Variants in NRF1 observed in about 807,000 individuals in gnomAD.
The protein encoded by NRF1 is alpha palindromic-binding protein.
A neutral mutation model predicts 58.5 loss-of-function variants in NRF1; 5 were observed. The observed-to-expected ratio is 0.09, with a 90% CI of 0.04 to 0.18. The LOEUF (loss-of-function observed/expected upper bound fraction) is 0.18. NRF1 is among the 10% of genes least tolerant of loss of function. The probability of loss-of-function intolerance (pLI) is 1.00; values close to 1 mark genes in which losing one functional copy is unlikely to be tolerated. For missense variants in NRF1, 288 were observed against 657.7 expected (o/e 0.44, Z 6.15); for synonymous variants, 224 against 246.7 (o/e 0.91, Z 0.86).
chr7:129,729,510 T>C (rs1299763506), intron 10 of NRF1, among the ~76,000 whole-genome samples: 4 of 152,232 alleles, frequency 2.6e-5, no homozygotes, highest in African/African-American at 7.2e-5. Context: ...GAGTTGGAAG[T>C]TATCTCTTTC....
At chr7:129,704,150 C>A (rs1802898130) in intron 5 of NRF1, among the ~76,000 whole-genome samples, 1 of 151,286 alleles carries the variant, frequency 6.6e-6, no homozygotes, top group Non-Finnish European at 1.5e-5. Flanking sequence ...CCGAGCAGAA[C>A]AAGGCACCTA....
intron 2 of NRF1, among the ~76,000 whole-genome samples, chr7:129,666,751 G>A (rs1562964686): frequency 6.6e-6 from 1 of 152,082 alleles, no homozygotes; most frequent in Admixed American, 6.5e-5. Context: ...GGCTGGTCTC[G>A]AACTCCTGAC....
chr7:129,617,506 A>C (rs1196566185), intron 1 of NRF1, among the ~76,000 whole-genome samples: 1 of 152,218 alleles, frequency 6.6e-6, no homozygotes, highest in East Asian at 1.9e-4. Context: ...AACCTCCTTA[A>C]GTGTATTCTC....
At chr7:129,648,170 G>A (rs1484577149) in intron 1 of NRF1, among the ~76,000 whole-genome samples, 1 of 149,990 alleles carries the variant, frequency 6.7e-6, no homozygotes. Flanking sequence ...TTTGTTTATA[G>A]TTTAACTGTT....
At chr7:129,750,359 C>T (rs925389888) in intron 10 of NRF1, among the ~76,000 whole-genome samples, 7 of 152,132 alleles carry the variant, frequency 4.6e-5, no homozygotes, top group Admixed American at 1.3e-4. Context: ...ACTTAGGGCA[C>T]GCTGGGTTTC....
intron 4 of NRF1, among the ~76,000 whole-genome samples, chr7:129,682,131 T>A (rs906011740): frequency 6.7e-6 from 1 of 149,994 alleles, no homozygotes; most frequent in African/African-American, 2.5e-5. Flanking sequence ...AGCATGTAGA[T>A]CAAAAAGTTA....
chr7:129,656,708 G>A (rs1468079444), intron 1 of NRF1, among the ~76,000 whole-genome samples: 2 of 152,004 alleles, frequency 1.3e-5, no homozygotes, highest in Non-Finnish European at 2.9e-5. Flanking sequence ...CCAAGTAGCT[G>A]GGATTACAGG....
chr7:129,628,631 G>C (rs1004624623), intron 1 of NRF1, among the ~76,000 whole-genome samples: 6 of 152,194 alleles, frequency 3.9e-5, no homozygotes, highest in Admixed American at 3.9e-4. Flanking sequence ...TCAGTCTGCT[G>C]TAGTATGTTG....
intron 1 of NRF1, among the ~76,000 whole-genome samples, chr7:129,627,245 C>T (rs1425570088): frequency 6.6e-6 from 1 of 152,154 alleles, no homozygotes; most frequent in Non-Finnish European, 1.5e-5. Flanking sequence ...GGATCTCCCT[C>T]TGTTGCTCAG....
intron 1 of NRF1, among the ~76,000 whole-genome samples, chr7:129,653,005 T>G (rs1801571986): frequency 6.6e-6 from 1 of 152,240 alleles, no homozygotes; most frequent in African/African-American, 2.4e-5. Context: ...TTTAGGCATA[T>G]AGTTCAGTAA....
chr7:129,655,412 A>G (rs931625064), intron 1 of NRF1, among the ~76,000 whole-genome samples: 28 of 152,144 alleles, frequency 1.8e-4, no homozygotes, highest in Admixed American at 1.5e-3. Flanking sequence ...CTTCCTTCCC[A>G]ATCAGGGTAC....
chr7:129,642,469 A>T (rs937200328), intron 1 of NRF1, among the ~76,000 whole-genome samples: 3 of 152,214 alleles, frequency 2.0e-5, no homozygotes, highest in South Asian at 2.1e-4. Context: ...TTTAAAAAAG[A>T]TACAAAAATG....
chr7:129,625,564 A>G (rs189847079), intron 1 of NRF1, among the ~76,000 whole-genome samples: 38 of 151,936 alleles, frequency 2.5e-4, no homozygotes, highest in African/African-American at 8.0e-4. Context: ...GCAGTGGCTC[A>G]GTCATGGCTC....
intron 10 of NRF1, among the ~76,000 whole-genome samples, chr7:129,736,922 A>T (rs182229705): frequency 6.6e-6 from 1 of 152,226 alleles, no homozygotes; most frequent in Admixed American, 6.5e-5. Flanking sequence ...TAGGCAAGCA[A>T]ATTAACCTCT....
At chr7:129,745,595 A>G (rs1228169535) in intron 10 of NRF1, among the ~76,000 whole-genome samples, 1 of 144,482 alleles carries the variant, frequency 6.9e-6, no homozygotes, top group Non-Finnish European at 1.5e-5. Flanking sequence ...GAGCACGTGC[A>G]TATTCCACAA....
At chr7:129,685,556 A>T (rs1327274710) in intron 4 of NRF1, among the ~76,000 whole-genome samples, 2 of 143,102 alleles carry the variant, frequency 1.4e-5, no homozygotes, top group East Asian at 2.1e-4. Flanking sequence ...GTCTCATTCA[A>T]GTGTGTGTGT....
chr7:129,665,500 A>AT (rs1291418327), intron 2 of NRF1, among the ~76,000 whole-genome samples: 1 of 152,164 alleles, frequency 6.6e-6, no homozygotes, highest in Non-Finnish European at 1.5e-5. Flanking sequence ...ATTATTGTTG[A>AT]TTTTCAAGAA....
chr7:129,727,745 C>T (rs1399482094), intron 10 of NRF1, among the ~76,000 whole-genome samples: 1 of 152,144 alleles, frequency 6.6e-6, no homozygotes, highest in Non-Finnish European at 1.5e-5. Context: ...TGGGCAGGAC[C>T]ATCATGGAAA....
At chr7:129,618,701 A>G (rs1800705714) in intron 1 of NRF1, among the ~76,000 whole-genome samples, 2 of 152,190 alleles carry the variant, frequency 1.3e-5, no homozygotes, top group Non-Finnish European at 2.9e-5. Flanking sequence ...TCTATAAAAA[A>G]GAAAGAGAAA....
Sources: allele counts gnomAD v4.1 joint callset (sites outside exome capture counted in the v4.1 genomes callset), GRCh38; gene constraint gnomAD v4.1.1; transcripts MANE v1.5; gene names NCBI Gene and HGNC (gene_info 2026-07-23, HGNC 2026-07-21).